Variants in ZNF613 observed in about 807,000 individuals in gnomAD.
ZNF613 encodes zinc finger protein 613.
Under a neutral mutation model 14.3 loss-of-function variants are expected in ZNF613, and 8 were observed. The observed-to-expected ratio is 0.56, with a 90% CI of 0.33 to 1.01. ZNF613 has a LOEUF of 1.01. Ranked by LOEUF, ZNF613 falls within the 50% of genes least tolerant of loss-of-function variation. The pLI is 0.03. For synonymous variants in ZNF613, 228 were observed against 254.5 expected, an observed-to-expected ratio of 0.90 and a Z score of 0.99; for missense variants, 656 against 741.9, an observed-to-expected ratio of 0.88 and a Z score of 1.35.
At position 51,940,648 on chromosome 19, in the gene ZNF613, C is replaced by T; in HGVS notation, c.174C>T (p.Phe58=). Residue 58 remains phenylalanine (F), a synonymous_variant, in exon 5 of 6, where the codon TTC becomes TTT. Transcript: ENST00000293471. ...AAGCCAGCAAACCAGATGCACTCTT[C>T]AAGTTGGAACAAGGAGAGCCATGGA... ...GYQASKPDAL[F]KLEQGEPWTV... The T allele has an allele frequency of 1.4e-5, 22 of 1,613,588 alleles. No homozygotes were observed. The highest frequency in any genetic ancestry group is 1.8e-5 in the Non-Finnish European group (21 of 1,179,718).
intron 3 of ZNF613, among the ~76,000 whole-genome samples, chr19:51,939,043 A>G (rs2085327466): frequency 2.0e-5 from 3 of 151,536 alleles, no homozygotes; most frequent in African/African-American, 7.3e-5. Flanking sequence ...GTACCTTTCC[A>G]TTATTGTATT....
chr19:51,945,183 G>C lies in ZNF613; in HGVS notation c.1300G>C (p.Gly434Arg), dbSNP rs1285725829. ...GAAACCCTATGTATGCAATGAATGT[G>C]GGAAAGGCTTCAGCCAGAAGACATG... ...GEKPYVCNEC[G>R]KGFSQKTCLI... The change falls in exon 6 of 6, where the codon GGG becomes CGG. Residue 434 changes from glycine (G) to arginine (R), a missense_variant. Coordinates refer to ENST00000293471, the MANE Select transcript of ZNF613 (RefSeq NM_001031721.4). The C allele has an allele frequency of 6.2e-7, 1 of 1,614,168 alleles. No homozygotes were observed. The highest frequency in any genetic ancestry group is 1.1e-5 in the South Asian group (1 of 91,078).
rs571593803 is a variant in ZNF613, at chr19:51,944,482, T to C, written c.599T>C (p.Ile200Thr). 1.2e-6 allele frequency: 2 copies of C among 1,603,344 alleles called. No individual in the cohort carries two copies. Among genetic ancestry groups the C allele is most frequent in the South Asian group, 1.1e-5 (1 of 90,128 alleles). The change falls in exon 6 of 6, where the codon ATA becomes ACA. Residue 200 changes from isoleucine (I) to threonine (T), a missense_variant. Transcript: ENST00000293471. Reference sequence around the variant, plus strand: ...ATTAAGCATCAGCGAACTCAAAACATAGATAAACCCCATGTATGCACTGAG... The same window carrying C: ...ATTAAGCATCAGCGAACTCAAAACACAGATAAACCCCATGTATGCACTGAG... ...QFIKHQRTQN[I>T]DKPHVCTECG...
chr19:51,941,443 C>T (rs1044729331), intron 5 of ZNF613, among the ~76,000 whole-genome samples: 3 of 150,932 alleles, frequency 2.0e-5, no homozygotes, highest in Admixed American at 6.6e-5. Flanking sequence ...TACCTTTCTG[C>T]CCCTTTAGAT....
At chr19:51,929,680 C>G (rs2085248334) in intron 1 of ZNF613, 52 bp from the exon 2 acceptor site, 1 of 152,098 alleles carries the variant, frequency 6.6e-6, no homozygotes, top group Non-Finnish European at 1.5e-5. Flanking sequence ...ACATATCTAT[C>G]TATATATCAT....
intron 3 of ZNF613, 138 bp from the exon 4 acceptor site, chr19:51,940,071 T>C: frequency 9.1e-7 from 1 of 1,093,604 alleles, no homozygotes; most frequent in South Asian, 1.4e-5. Context: ...TCTATGACAA[T>C]GTATTTTTTT....
At chr19:51,928,786 T>G (rs183166954) in intron 1 of ZNF613, among the ~76,000 whole-genome samples, 56 of 150,380 alleles carry the variant, frequency 3.7e-4, no homozygotes, top group Middle Eastern at 3.4e-3. Flanking sequence ...CCCCGGGAGT[T>G]CTAGGCTGCA....
intron 5 of ZNF613, among the ~76,000 whole-genome samples, chr19:51,943,150 T>C (rs997948768): frequency 2.3e-4 from 35 of 152,190 alleles, no homozygotes; most frequent in Admixed American, 2.0e-3. Flanking sequence ...TGAAGTCCAC[T>C]TGGGAGGCTA....
chr19:51,933,563 C>A (rs1353889537), intron 2 of ZNF613, among the ~76,000 whole-genome samples: 1 of 152,202 alleles, frequency 6.6e-6, no homozygotes, highest in Non-Finnish European at 1.5e-5. Flanking sequence ...CCCACCTCAG[C>A]CTCCCAAAGT....
At chr19:51,932,239 A>G (rs2085271618) in intron 2 of ZNF613, among the ~76,000 whole-genome samples, 1 of 150,970 alleles carries the variant, frequency 6.6e-6, no homozygotes, top group Non-Finnish European at 1.5e-5. Context: ...CTGTTTGATC[A>G]TGTACTCTCC....
chr19:51,933,952 C>A (rs920071569), intron 2 of ZNF613, among the ~76,000 whole-genome samples: 1 of 152,122 alleles, frequency 6.6e-6, no homozygotes, highest in Non-Finnish European at 1.5e-5. Flanking sequence ...ACATGTGCCA[C>A]CACACCTGGC....
At chr19:51,942,529 CCCA>C (rs2085357933) in intron 5 of ZNF613, among the ~76,000 whole-genome samples, 2 of 151,990 alleles carry the variant, frequency 1.3e-5, no homozygotes, top group Non-Finnish European at 2.9e-5. Context: ...GGTCCAAAGG[CCCA>C]AGGCAGGTGT....
chr19:51,928,194 C>T (rs966746584), intron 1 of ZNF613, among the ~76,000 whole-genome samples: 11 of 152,178 alleles, frequency 7.2e-5, no homozygotes, highest in African/African-American at 2.7e-4. Context: ...TCCCAAAGTG[C>T]TGGGATTACG....
At position 51,945,003 on chromosome 19, in the gene ZNF613, TGC is replaced by T; in HGVS notation, c.1121_1122del (p.Cys374SerfsTer2). 1 of 1,614,196 alleles carries T rather than the reference TGC, an allele frequency of 6.2e-7. No individual in the cohort carries two copies. The highest frequency in any genetic ancestry group is 8.5e-7 in the Non-Finnish European group (1 of 1,180,020). On this transcript the variant is annotated frameshift_variant, in exon 6 of 6. Transcript: ENST00000293471. LOFTEE classifies it low-confidence loss of function (END_TRUNC). ...KAHTGEKSYI[C>X]RDCGKGFIQK... is the part of the protein sequence containing the mutation. The stretch of plus-strand genomic sequence containing the variant: ...TCACACAGGAGAGAAGTCATATATA[TGC>T]CGTGATTGTGGAAAAGGCTTCATTC...
chr19:51,942,251 G>T (rs1415615386), intron 5 of ZNF613, among the ~76,000 whole-genome samples: 1 of 152,098 alleles, frequency 6.6e-6, no homozygotes, highest in African/African-American at 2.4e-5. Context: ...TTTTTTGATA[G>T]ACTATTACAT....
rs2085398180 is a variant in ZNF613 at position 51,945,926 on chromosome 19, G to A, written c.*189G>A. 2 of 617,690 alleles carry A rather than the reference G, an allele frequency of 3.2e-6. No individual in the cohort carries two copies. Among genetic ancestry groups the A allele is most frequent in the South Asian group, 4.0e-5 (2 of 50,478 alleles). 38.3% of individuals were successfully genotyped at this position (617,690 alleles called of 1,614,324 possible). On this transcript the variant is annotated 3_prime_UTR_variant, in exon 6 of 6. Transcript: ENST00000293471. Reference sequence around the variant, plus strand: ...AGACTGGGAAATTCTTTTATGGGAAGATAGATCTTCTCATCAGTGACCATA... The same window carrying A: ...AGACTGGGAAATTCTTTTATGGGAAAATAGATCTTCTCATCAGTGACCATA...
chr19:51,929,637 A>C (rs1165826671), intron 1 of ZNF613, 95 bp from the exon 2 acceptor site: 1 of 152,102 alleles, frequency 6.6e-6, no homozygotes, highest in Non-Finnish European at 1.5e-5. Flanking sequence ...TACCATCTGG[A>C]TTTTATCATC....
At chr19:51,941,720 G>A (rs2085351904) in intron 5 of ZNF613, among the ~76,000 whole-genome samples, 1 of 152,036 alleles carries the variant, frequency 6.6e-6, no homozygotes, top group Non-Finnish European at 1.5e-5. Context: ...TAACTTACAT[G>A]TTTGTACCTA....
At position 51,944,262 on chromosome 19, in the gene ZNF613, GA is replaced by G; in HGVS notation, c.380del (p.Asp127ValfsTer10). The G allele has an allele frequency of 6.2e-7, 1 of 1,609,558 alleles. No homozygotes were observed. The highest frequency in any genetic ancestry group is 8.5e-7 in the Non-Finnish European group (1 of 1,177,754). On this transcript the variant is annotated frameshift_variant, in exon 6 of 6. Transcript: ENST00000293471. LOFTEE classifies it low-confidence loss of function (END_TRUNC). ...TGATTTTCCTTTAAGGCAAAATCATGATACATTTGACTTACATGGGAAAATA... is the reference window on the plus strand; with the variant it reads ...TGATTTTCCTTTAAGGCAAAATCATGTACATTTGACTTACATGGGAAAATA... ...KSDFPLRQNH[D>X]TFDLHGKILK...
Sources: allele counts gnomAD v4.1 joint callset (sites outside exome capture counted in the v4.1 genomes callset), GRCh38; gene constraint gnomAD v4.1.1; transcripts MANE v1.5; gene names NCBI Gene and HGNC (gene_info 2026-07-23, HGNC 2026-07-21).